NBAS: variants seen among roughly 807,000 people sequenced by gnomAD.
NBAS encodes NAG/BC035112 fusion.
A neutral mutation model predicts 302.5 loss-of-function variants in NBAS; 219 were observed. That is an observed-to-expected ratio of 0.72 (90% CI 0.65 to 0.81). NBAS has a LOEUF of 0.81. NBAS is among the 30% of genes least tolerant of loss of function. The pLI, the probability that NBAS is intolerant of heterozygous loss-of-function variation, is 0.00. For missense variants in NBAS, 2,932 were observed against 2,841.6 expected (o/e 1.03, Z -0.72); for synonymous variants, 1,118 against 1,021.6 (o/e 1.09, Z -1.80).
chr2:14,837,459 C>T, the NBAS span, among the ~76,000 whole-genome samples: 2 of 151,548 alleles, frequency 1.3e-5, no homozygotes, highest in Admixed American at 1.3e-4. Flanking sequence ...GTAGAGAATG[C>T]TGTTTCTCCT....
intron 45 of NBAS, among the ~76,000 whole-genome samples, chr2:15,237,384 C>T (rs1667641960): frequency 6.6e-6 from 1 of 151,772 alleles, no homozygotes; most frequent in Non-Finnish European, 1.5e-5. Flanking sequence ...CTAGAAACCA[C>T]CTAGAAACAA....
chr2:15,429,519 A>G (rs578146744), intron 21 of NBAS, among the ~76,000 whole-genome samples: 3 of 152,340 alleles, frequency 2.0e-5, no homozygotes, highest in South Asian at 2.1e-4. Context: ...GTAAAAAGTA[A>G]TAAGAAACCA....
chr2:14,955,308 A>G, the NBAS span, among the ~76,000 whole-genome samples: 1 of 152,210 alleles, frequency 6.6e-6, no homozygotes, highest in Non-Finnish European at 1.5e-5. Flanking sequence ...GCTTTGCAGC[A>G]TACAGCCCAC....
intron 33 of NBAS, among the ~76,000 whole-genome samples, chr2:15,355,964 CA>C (rs1001532254): frequency 7.4e-4 from 113 of 152,150 alleles, no homozygotes; most frequent in African/African-American, 2.6e-3. Flanking sequence ...TATATAGACA[CA>C]AACTAATATA....
intron 17 of NBAS, 26 bp from the exon 18 acceptor site, chr2:15,467,830 T>C (rs1383271918): frequency 2.6e-6 from 4 of 1,530,240 alleles, no homozygotes; most frequent in Non-Finnish European, 3.6e-6. Flanking sequence ...AACAAATATA[T>C]TTTCATCATT....
At chr2:14,895,665 G>A in the NBAS span, among the ~76,000 whole-genome samples, 4 of 151,714 alleles carry the variant, frequency 2.6e-5, no homozygotes, top group Non-Finnish European at 5.9e-5. Flanking sequence ...GCGTGAACCC[G>A]GGAGGTGGAG....
intron 44 of NBAS, 113 bp from the exon 45 acceptor site, chr2:15,238,799 CA>C (rs1427808822): frequency 1.1e-6 from 1 of 875,392 alleles, no homozygotes; most frequent in East Asian, 2.7e-5. Context: ...TGATTTTAAC[CA>C]ATAAATAGCA....
At chr2:15,175,520 C>T (rs1423735647) in intron 51 of NBAS, among the ~76,000 whole-genome samples, 1 of 152,144 alleles carries the variant, frequency 6.6e-6, no homozygotes, top group East Asian at 1.9e-4. Flanking sequence ...TCCAGAGATG[C>T]GAGTCAAACA....
the NBAS span, among the ~76,000 whole-genome samples, chr2:14,839,428 G>A: frequency 6.6e-6 from 1 of 152,022 alleles, no homozygotes; most frequent in Non-Finnish European, 1.5e-5. Flanking sequence ...TGACTGAGAA[G>A]AGAAATATCC....
At chr2:14,783,139 A>G in the NBAS span, among the ~76,000 whole-genome samples, 1 of 152,134 alleles carries the variant, frequency 6.6e-6, no homozygotes, top group African/African-American at 2.4e-5. Context: ...CAGAGAAAAA[A>G]TAAAAATAAA....
At chr2:14,865,388 C>G in the NBAS span, among the ~76,000 whole-genome samples, 1 of 152,012 alleles carries the variant, frequency 6.6e-6, no homozygotes, top group Admixed American at 6.6e-5. Context: ...AGAAATCTCT[C>G]GGAGACAAAA....
At chr2:15,289,793 T>C (rs959962332) in intron 41 of NBAS, among the ~76,000 whole-genome samples, 2 of 152,074 alleles carry the variant, frequency 1.3e-5, no homozygotes, top group Non-Finnish European at 2.9e-5. Flanking sequence ...GTCAGGAGAT[T>C]GAGACCATCC....
intron 21 of NBAS, among the ~76,000 whole-genome samples, chr2:15,440,516 C>T (rs1678320726): frequency 6.6e-6 from 1 of 152,084 alleles, no homozygotes; most frequent in Admixed American, 6.5e-5. Context: ...TGTACATCAC[C>T]ATCATCAAAG....
the NBAS span, among the ~76,000 whole-genome samples, chr2:14,854,766 A>C: frequency 6.6e-6 from 1 of 152,110 alleles, no homozygotes; most frequent in Admixed American, 6.6e-5. Context: ...AGCTGTTAAA[A>C]CTTGAGCTCC....
intron 44 of NBAS, among the ~76,000 whole-genome samples, chr2:15,239,135 A>G (rs1667740396): frequency 6.6e-6 from 1 of 152,172 alleles, no homozygotes; most frequent in African/African-American, 2.4e-5. Flanking sequence ...AGCTTATTTT[A>G]AATTACAGGC....
chr2:15,079,264 T>A, the NBAS span, among the ~76,000 whole-genome samples: 1 of 152,180 alleles, frequency 6.6e-6, no homozygotes, highest in Non-Finnish European at 1.5e-5. Context: ...GAAACCTATC[T>A]GAGCCACTAA....
At chr2:15,057,954 C>T in the NBAS span, among the ~76,000 whole-genome samples, 22 of 152,168 alleles carry the variant, frequency 1.4e-4, no homozygotes, top group African/African-American at 5.1e-4. Flanking sequence ...TAGATGTTGG[C>T]GCGGATGCAG....
intron 15 of NBAS, 93 bp downstream of exon 15, chr2:15,473,974 G>A: frequency 6.7e-7 from 1 of 1,497,980 alleles, no homozygotes; most frequent in Non-Finnish European, 9.2e-7. Flanking sequence ...CATCCCTCTT[G>A]AAATTTTCTC....
At chr2:15,057,268 AT>A in the NBAS span, among the ~76,000 whole-genome samples, 1 of 148,046 alleles carries the variant, frequency 6.8e-6, no homozygotes, top group South Asian at 2.2e-4. Context: ...AGCAATAACA[AT>A]TGTGGCTTCA....
Sources: allele counts gnomAD v4.1 joint callset (sites outside exome capture counted in the v4.1 genomes callset), GRCh38; gene constraint gnomAD v4.1.1; transcripts MANE v1.5; gene names NCBI Gene and HGNC (gene_info 2026-07-23, HGNC 2026-07-21).